Variants in SLC7A5 observed in about 807,000 individuals in gnomAD.
SLC7A5 encodes solute carrier family 7 member 5, also known as large neutral amino acids transporter small subunit 1.
In SLC7A5, 23 loss-of-function variants were observed where a neutral mutation model predicts 50.2. The ratio of observed to expected loss-of-function variants is 0.46; its 90% CI spans 0.33 to 0.65. The LOEUF is 0.65. Ranked by LOEUF, SLC7A5 falls within the 30% of genes least tolerant of loss-of-function variation. SLC7A5 has a pLI of 0.02. For synonymous variants in SLC7A5, 393 were observed against 330.6 expected (o/e 1.19, Z -2.05); for missense variants, 578 against 684.4 (o/e 0.84, Z 1.73).
chr16:87,844,070 C>T (rs894828714), intron 2 of SLC7A5, among the ~76,000 whole-genome samples: 5 of 152,154 alleles, frequency 3.3e-5, no homozygotes, highest in African/African-American at 7.2e-5. Context: ...GAGGGGACAG[C>T]GTGACAGGGA....
chr16:87,862,670 G>A lies in SLC7A5; in HGVS notation c.538+6215C>T, dbSNP rs143263426. On this transcript the variant is annotated intron_variant, in intron 1 of 9. Coordinates refer to ENST00000261622, the MANE Select transcript of SLC7A5 (RefSeq NM_003486.7). The surrounding 1 kb of genome is among the most constrained non-coding windows in gnomAD (Gnocchi z 5.3). The stretch of plus-strand genomic sequence containing the variant: ...AGGAGATACAGGCACGTGGAGGGAC[G>A]GTCACAGCCCGTGCAACTGGCACCT... Among the ~76,000 whole-genome samples, 147 of 152,312 alleles carry A rather than the reference G, an allele frequency of 9.7e-4. No homozygotes were observed. Among genetic ancestry groups the A allele is most frequent in the Non-Finnish European group, 1.7e-3 (116 of 68,018 alleles).
Position 87,862,564 on chromosome 16 carries a change from C to G in SLC7A5, c.538+6321G>C, listed in dbSNP as rs559906255. ...TCCTGTCTCTGGCTCTTCCCTCCCTCTCTTTGTTCCCTTGCTCCTTCCTTC... is the reference window on the plus strand; with the variant it reads ...TCCTGTCTCTGGCTCTTCCCTCCCTGTCTTTGTTCCCTTGCTCCTTCCTTC... On this transcript the variant is annotated intron_variant, in intron 1 of 9. Coordinates refer to ENST00000261622, the MANE Select transcript of SLC7A5 (RefSeq NM_003486.7). The surrounding 1 kb of genome is among the most constrained non-coding windows in gnomAD (Gnocchi z 5.3). 3.9e-4 allele frequency among the ~76,000 whole-genome samples: 59 copies of G among 152,374 alleles called. 1 individual carries two copies. In the South Asian group the frequency reaches 6.0e-3, roughly 15 times the overall value.
At position 87,834,608 on chromosome 16, in the gene SLC7A5, G is replaced by A. The variant is rs930033650; in HGVS notation, c.1291-17C>T. 1 of 1,573,368 alleles carries A rather than the reference G, an allele frequency of 6.4e-7. No individual in the cohort carries two copies. The highest frequency in any genetic ancestry group is 1.3e-5 in the African/African-American group (1 of 74,464). On this transcript the variant is annotated splice_polypyrimidine_tract_variant and intron_variant, in intron 8 of 9. Coordinates refer to ENST00000261622, the MANE Select transcript of SLC7A5 (RefSeq NM_003486.7). ...CAGGTTCACCTGGGGCAGAGGACAG[G>A]GCCTGGGTGAGCCCTCTCCTGTCCA...
chr16:87,850,810 C>G (rs542324156), intron 2 of SLC7A5, among the ~76,000 whole-genome samples: 4 of 152,194 alleles, frequency 2.6e-5, no homozygotes, highest in Non-Finnish European at 4.4e-5. Flanking sequence ...AACCCCAGCC[C>G]GACCTCACCG....
intron 1 of SLC7A5, among the ~76,000 whole-genome samples, chr16:87,855,621 C>A (rs2055307537): frequency 1.3e-5 from 2 of 152,058 alleles, no homozygotes; most frequent in South Asian, 4.2e-4. Context: ...CTCACCTCCC[C>A]TGATGCTGGC....
In SLC7A5 at chr16:87,860,840, G is replaced by C. The variant is rs958923105; in HGVS notation, c.538+8045C>G. On this transcript the variant is annotated intron_variant, in intron 1 of 9. Transcript: ENST00000261622. The surrounding 1 kb of genome is among the most constrained non-coding windows in gnomAD (Gnocchi z 4.8). The stretch of plus-strand genomic sequence containing the variant: ...AGTGGGCAAATCCTAGGGCAGGGGA[G>C]GGGCGGGCAATGCCAGAGAACGGTC... 1.3e-5 allele frequency among the ~76,000 whole-genome samples: 2 copies of C among 152,224 alleles called. No homozygotes were observed. The highest frequency in any genetic ancestry group is 2.4e-5 in the African/African-American group (1 of 41,464).
intron 4 of SLC7A5, 59 bp downstream of exon 4, chr16:87,840,370 G>T: frequency 6.9e-7 from 1 of 1,440,472 alleles, no homozygotes; most frequent in Non-Finnish European, 9.8e-7. Flanking sequence ...GAATGTGGCT[G>T]CTTCCTGCCT....
At position 87,837,888 on chromosome 16, in the gene SLC7A5, A is replaced by G. The variant is rs937735710; in HGVS notation, c.1097T>C (p.Ile366Thr). Residue 366 changes from isoleucine to threonine, a missense_variant, in exon 7 of 10, where the codon ATC (isoleucine) becomes ACC (threonine). Coordinates refer to ENST00000261622, the MANE Select transcript of SLC7A5 (RefSeq NM_003486.7). ...EGHLPSILSMIHPQLLTPVPS... is the reference protein window; with the variant it reads ...EGHLPSILSMTHPQLLTPVPS... ...CACGGGGGTGAGGAGCTGTGGGTGGATCATGGAGAGGATGGAGGGCAGGTG... is the reference window on the plus strand; with the variant it reads ...CACGGGGGTGAGGAGCTGTGGGTGGGTCATGGAGAGGATGGAGGGCAGGTG... The G allele has an allele frequency of 2.5e-6, 4 of 1,608,626 alleles. No homozygotes were observed. The highest frequency in any genetic ancestry group is 1.7e-6 in the Non-Finnish European group (2 of 1,178,578).
intron 1 of SLC7A5, among the ~76,000 whole-genome samples, chr16:87,858,447 A>C (rs555344179): frequency 4.6e-5 from 7 of 152,194 alleles, no homozygotes; most frequent in African/African-American, 1.7e-4. Flanking sequence ...CAAACCCTCT[A>C]CAGCTCCAAC....
chr16:87,866,588 C>T (rs1347575520), intron 1 of SLC7A5, among the ~76,000 whole-genome samples: 1 of 152,064 alleles, frequency 6.6e-6, no homozygotes, highest in East Asian at 1.9e-4. Context: ...GCCTCAGCCT[C>T]CCGAGTAGCT....
chr16:87,840,926 A>G, intron 3 of SLC7A5, 124 bp downstream of exon 3: 1 of 623,512 alleles, frequency 1.6e-6, no homozygotes, highest in Admixed American at 2.5e-5. Context: ...GCCAAGGGGC[A>G]GTTAAAGGGA....
In SLC7A5 at chr16:87,849,657, A is replaced by G. The variant is rs116903249; in HGVS notation, c.664+2067T>C. 9.3e-4 allele frequency among the ~76,000 whole-genome samples: 141 copies of G among 152,166 alleles called. 3 individuals carry two copies. The East Asian group carries it at 0.024, about 26-fold the overall frequency. ...GCCCGTAAAATGTCACTCAGGCCCA[A>G]CCACCTCCCTGGGCAACTTCTGAGT... On this transcript the variant is annotated intron_variant, in intron 2 of 9. Coordinates refer to ENST00000261622, the MANE Select transcript of SLC7A5 (RefSeq NM_003486.7).
intron 6 of SLC7A5, 113 bp downstream of exon 6, chr16:87,838,601 C>G (rs1289770002): frequency 4.7e-6 from 4 of 853,164 alleles, no homozygotes; most frequent in Non-Finnish European, 8.0e-6. Flanking sequence ...CCTATTTGAG[C>G]AATTATGCAT....
Position 87,832,999 on chromosome 16 carries a change from G to A in SLC7A5, c.1495C>T (p.Leu499Phe). Residue 499 changes from leucine to phenylalanine, a missense_variant, in exon 10 of 10, where the codon CTC (leucine) becomes TTC (phenylalanine). By Grantham distance (22) the Leu-to-Phe change is conservative. Coordinates refer to ENST00000261622, the MANE Select transcript of SLC7A5 (RefSeq NM_003486.7). The surrounding 1 kb of genome is among the most constrained non-coding windows in gnomAD (Gnocchi z 4.6). ...IFSTTVLCQK[L>F]MQVVPQET is the part of the protein sequence containing the mutation. ...GTCTCCTGGGGGACCACCTGCATGA[G>A]CTTCTGACACAGGACGGTCGTGGAG... 6.2e-7 allele frequency: 1 copy of A among 1,613,954 alleles called. No individual in the cohort carries two copies. Among genetic ancestry groups the A allele is most frequent in the Non-Finnish European group, 8.5e-7 (1 of 1,179,932 alleles).
chr16:87,847,724 G>C lies in SLC7A5; in HGVS notation c.664+4000C>G, dbSNP rs1346082040. 2.0e-5 allele frequency among the ~76,000 whole-genome samples: 3 copies of C among 152,170 alleles called. No individual in the cohort carries two copies. In the East Asian group the frequency reaches 5.8e-4, roughly 29 times the overall value. On this transcript the variant is annotated intron_variant, in intron 2 of 9. Transcript: ENST00000261622. ...TGCACACTGCACCCAGGGTCACAGT[G>C]GGGGTGGGGAGGGACCTGCCCACTG...
chr16:87,843,466 C>T (rs1293612543), intron 2 of SLC7A5, among the ~76,000 whole-genome samples: 2 of 143,424 alleles, frequency 1.4e-5, no homozygotes, highest in African/African-American at 5.2e-5. Context: ...CAGGCTGGTC[C>T]AGCTCTGCTT....
intron 1 of SLC7A5, among the ~76,000 whole-genome samples, chr16:87,866,339 G>C (rs2055460544): frequency 1.3e-5 from 2 of 152,218 alleles, no homozygotes; most frequent in Admixed American, 6.5e-5. Flanking sequence ...TGGGGGTCGG[G>C]GGTGGTAAAG....
At chr16:87,855,590 C>A (rs1483140813) in intron 1 of SLC7A5, among the ~76,000 whole-genome samples, 5 of 151,980 alleles carry the variant, frequency 3.3e-5, no homozygotes, top group African/African-American at 1.2e-4. Context: ...TGAACGCTCA[C>A]CTCTGCGGCA....
Position 87,869,246 on chromosome 16 carries a change from G to C in SLC7A5, c.177C>G (p.Ile59Met). The change falls in exon 1 of 10, where the codon ATC (isoleucine) becomes ATG (methionine). Residue 59 changes from isoleucine to methionine, a missense_variant. Around this residue, in one of 2 missense-constraint regions of SLC7A5, gnomAD observed 113 missense variants for 89.8 expected, o/e 1.26. Coordinates refer to ENST00000261622, the MANE Select transcript of SLC7A5 (RefSeq NM_003486.7). ...TGCCCGAGCCGATAATGGTCCCCAC[G>C]ATGATGGCCACGCCGTTGAGCAGCG... ...NITLLNGVAI[I>M]VGTIIGSGIF... The C allele has an allele frequency of 1.9e-6, 3 of 1,612,774 alleles. No individual in the cohort carries two copies.
Sources: allele counts gnomAD v4.1 joint callset (sites outside exome capture counted in the v4.1 genomes callset), GRCh38; gene constraint gnomAD v4.1.1; regional missense constraint gnomAD v4.1.1; non-coding constraint Gnocchi (gnomAD v3.1); transcripts MANE v1.5; gene names NCBI Gene and HGNC (gene_info 2026-07-23, HGNC 2026-07-21).